ROBO2: variants seen among roughly 807,000 people sequenced by gnomAD.
ROBO2 encodes roundabout guidance receptor 2.
In ROBO2, 53 loss-of-function variants were observed where a neutral mutation model predicts 160.8. The observed-to-expected ratio is 0.33, with a 90% CI of 0.26 to 0.41. ROBO2 has a LOEUF of 0.41. Among genes scored for constraint, ROBO2 ranks in the 10% least tolerant of loss-of-function variants. The pLI is 1.00. For missense variants in ROBO2, 1,577 were observed against 1,722.4 expected (o/e 0.92, Z 1.49); for synonymous variants, 664 against 611.7 (o/e 1.09, Z -1.26).
chr3:76,168,648 G>A (rs1359485899), intron 2 of ROBO2, among the ~76,000 whole-genome samples: 1 of 151,880 alleles, frequency 6.6e-6, no homozygotes, highest in Non-Finnish European at 1.5e-5. Flanking sequence ...TACCTTGAGA[G>A]GTTAATTATA....
intron 2 of ROBO2, among the ~76,000 whole-genome samples, chr3:76,504,426 C>T (rs760764508): frequency 1.2e-4 from 18 of 151,042 alleles, no homozygotes; most frequent in South Asian, 6.3e-4. Flanking sequence ...TTGAGAGGGA[C>T]AGTTCTAGTA....
At chr3:77,448,657 G>T (rs1191144514) in intron 2 of ROBO2, among the ~76,000 whole-genome samples, 1 of 122,044 alleles carries the variant, frequency 8.2e-6, no homozygotes. Flanking sequence ...ATATATTAAG[G>T]AAAAATTATT....
chr3:77,552,294 G>T (rs994815954), intron 8 of ROBO2, among the ~76,000 whole-genome samples: 1 of 151,826 alleles, frequency 6.6e-6, no homozygotes, highest in South Asian at 2.1e-4. Flanking sequence ...TTAAGATACC[G>T]GCTATCATTT....
rs185868665 is a variant in ROBO2, at chr3:75,989,954, T to G, written c.109+52352T>G. ...AATTTCCTTTTAATTGGCATGTGTG[T>G]TTTTTTTCCTTCAAATTAATAATTG... is the stretch of plus-strand genomic sequence containing the variant. On this transcript the variant is annotated intron_variant, in intron 2 of 26. Transcript: ENST00000487694. Among the ~76,000 whole-genome samples the G allele has an allele frequency of 3.9e-5, 6 of 152,046 alleles. No homozygotes were observed. The East Asian group carries it at 7.7e-4, about 20-fold the overall frequency.
rs1302795602 is a variant in ROBO2, at chr3:76,566,077, TCA to T, written c.110-531935_110-531934del. ...CTCCAGAACACATAGCTTCCTTTGT[TCA>T]CCACAGCCTTATCTTATATGTGTAG... On this transcript the variant is annotated intron_variant, in intron 2 of 26. Transcript: ENST00000487694. Among the ~76,000 whole-genome samples, 4 of 152,274 alleles carry T rather than the reference TCA, an allele frequency of 2.6e-5. No individual in the cohort carries two copies. The East Asian group carries it at 7.7e-4, about 29-fold the overall frequency.
At chr3:76,579,600 A>G (rs959693280) in intron 2 of ROBO2, among the ~76,000 whole-genome samples, 1 of 152,056 alleles carries the variant, frequency 6.6e-6, no homozygotes, top group African/African-American at 2.4e-5. Context: ...TATCTTAATT[A>G]TTTCAAAAAT....
chr3:76,996,186 C>T (rs575562269), intron 2 of ROBO2, among the ~76,000 whole-genome samples: 74 of 152,226 alleles, frequency 4.9e-4, no homozygotes, highest in African/African-American at 1.7e-3. Context: ...CCAGTTTTCC[C>T]AGCACCATTT....
intron 2 of ROBO2, among the ~76,000 whole-genome samples, chr3:76,753,085 A>G (rs761000941): frequency 4.6e-5 from 7 of 151,918 alleles, no homozygotes; most frequent in Non-Finnish European, 1.0e-4. Context: ...CACACAAATC[A>G]TTTCAGTTCT....
At chr3:76,952,683 G>C (rs2079029988) in intron 2 of ROBO2, among the ~76,000 whole-genome samples, 2 of 151,698 alleles carry the variant, frequency 1.3e-5, no homozygotes, top group South Asian at 4.1e-4. Context: ...GTATATCTGT[G>C]TGTGTATATA....
chr3:77,272,867 ATCT>A (rs1560397317), intron 2 of ROBO2, among the ~76,000 whole-genome samples: 1 of 152,126 alleles, frequency 6.6e-6, no homozygotes, highest in East Asian at 1.9e-4. Context: ...TTTATAAAAA[ATCT>A]CTCTCTATAT....
At chr3:76,653,288 A>G (rs2091337157) in intron 2 of ROBO2, among the ~76,000 whole-genome samples, 1 of 151,820 alleles carries the variant, frequency 6.6e-6, no homozygotes. Context: ...ATAAACTTAT[A>G]TTCTCTTGCA....
intron 2 of ROBO2, among the ~76,000 whole-genome samples, chr3:76,968,404 C>T (rs530453558): frequency 9.9e-5 from 15 of 152,180 alleles, no homozygotes; most frequent in Non-Finnish European, 2.1e-4. Flanking sequence ...GTGTGGAGCT[C>T]TCACAATGAT....
intron 2 of ROBO2, among the ~76,000 whole-genome samples, chr3:77,414,881 G>C (rs984086474): frequency 6.6e-6 from 1 of 152,170 alleles, no homozygotes; most frequent in East Asian, 1.9e-4. Flanking sequence ...TCCTGTTAGA[G>C]TCAATTTATA....
At chr3:76,472,483 A>G (rs966027154) in intron 2 of ROBO2, among the ~76,000 whole-genome samples, 2 of 152,168 alleles carry the variant, frequency 1.3e-5, no homozygotes, top group South Asian at 4.1e-4. Flanking sequence ...TATACCTGAT[A>G]CATTAATAAA....
At chr3:77,269,212 C>G (rs547852916) in intron 2 of ROBO2, among the ~76,000 whole-genome samples, 28 of 152,248 alleles carry the variant, frequency 1.8e-4, no homozygotes, top group African/African-American at 6.5e-4. Flanking sequence ...TACACATATG[C>G]TGTGTCAAAA....
chr3:76,676,069 G>A (rs2092399383), intron 2 of ROBO2, among the ~76,000 whole-genome samples: 1 of 152,088 alleles, frequency 6.6e-6, no homozygotes, highest in African/African-American at 2.4e-5. Context: ...AATTTAGAAA[G>A]CAAACATGTA....
At chr3:76,734,577 C>T (rs938172634) in intron 2 of ROBO2, among the ~76,000 whole-genome samples, 6 of 152,152 alleles carry the variant, frequency 3.9e-5, no homozygotes, top group Admixed American at 6.5e-5. Context: ...TTTCTTCTGG[C>T]TCTTAACCTG....
chr3:76,612,037 G>C (rs2088169605), intron 2 of ROBO2, among the ~76,000 whole-genome samples: 1 of 152,050 alleles, frequency 6.6e-6, no homozygotes, highest in South Asian at 2.1e-4. Flanking sequence ...CAGAAGCATT[G>C]TTTAATTTCC....
intron 2 of ROBO2, among the ~76,000 whole-genome samples, chr3:77,201,272 T>G (rs983705170): frequency 3.3e-5 from 5 of 152,166 alleles, no homozygotes; most frequent in Non-Finnish European, 1.5e-5. Flanking sequence ...AACTTCACAT[T>G]CTTTTTCTTT....
Sources: gnomAD v4.1 joint callset for allele counts (sites outside exome capture counted in the v4.1 genomes callset) on GRCh38, gnomAD v4.1.1 for gene constraint, MANE v1.5 for transcripts, NCBI Gene and HGNC (gene_info 2026-07-23, HGNC 2026-07-21) for gene names.